MYH4: variants seen among roughly 807,000 people sequenced by gnomAD.
MYH4 encodes the protein myosin heavy chain 4.
MYH4 carries 200 observed loss-of-function variants against 229.9 expected under a neutral mutation model. The ratio of observed to expected loss-of-function variants is 0.87; its 90% confidence interval spans 0.78 to 0.98. The LOEUF (loss-of-function observed/expected upper bound fraction) is 0.98. Ranked by LOEUF, MYH4 falls within the 50% of genes least tolerant of loss-of-function variation. The probability of loss-of-function intolerance (pLI) is 0.00; values close to 1 mark genes in which losing one functional copy is unlikely to be tolerated. For missense variants in MYH4, 2,148 were observed against 2,332.6 expected (o/e 0.92, Z 1.63); for synonymous variants, 761 against 834.6 (o/e 0.91, Z 1.52).
chr17:10,456,514 A>G lies in MYH4; in HGVS notation c.1939T>C (p.Ser647Pro). Residue 647 changes from serine (S) to proline (P), a missense_variant, in exon 17 of 40, where the codon TCT becomes CCT. Ser to Pro is a moderately conservative substitution (Grantham distance 74, BLOSUM62 -1). Coordinates refer to ENST00000255381, the MANE Select transcript of MYH4 (RefSeq NM_017533.2). ...GKKGGKKKGS[S>P]FQTVSALFRE... Reference sequence around the variant, plus strand: ...AAAAGAGCTGACACTGTCTGGAAAGAAGAACCCTTCTTTTTGCCACCTTTC... The same window carrying G: ...AAAAGAGCTGACACTGTCTGGAAAGGAGAACCCTTCTTTTTGCCACCTTTC... 6.2e-7 allele frequency: 1 copy of G among 1,614,032 alleles called. No homozygotes were observed. The highest frequency in any genetic ancestry group is 8.5e-7 in the Non-Finnish European group (1 of 1,179,934).
rs1458102571 is a variant in MYH4, at chr17:10,463,422, A to G, written c.742-21T>C. 1.9e-6 allele frequency: 3 copies of G among 1,604,494 alleles called. No individual in the cohort carries two copies. In the South Asian group the frequency reaches 3.4e-5, roughly 18 times the overall value. On this transcript the variant is annotated intron_variant, in intron 8 of 39. Transcript: ENST00000255381. ...TTACCCTTAAAAAAGAAAAGGAGGG[A>G]TTATTATACACATTAAAATCAGAAA... is the stretch of plus-strand genomic sequence containing the variant.
chr17:10,460,164 T>A, intron 13 of MYH4, 39 bp downstream of exon 13: 1 of 1,612,890 alleles, frequency 6.2e-7, no homozygotes, highest in Non-Finnish European at 8.5e-7. Context: ...CTGAGTCACT[T>A]GCGGTTCAAA....
At position 10,447,937 on chromosome 17, in the gene MYH4, G is replaced by T; in HGVS notation, c.4846C>A (p.Leu1616Met). The change falls in exon 34 of 40, where the codon CTG (leucine) becomes ATG (methionine). Residue 1616 changes from leucine (L) to methionine (M), a missense_variant. Leu to Met is a conservative substitution (Grantham distance 15). Transcript: ENST00000255381. ...DAEIRSRNDA[L>M]RIKKKMEGDL... ...CCCTCCATCTTCTTCTTGATCCTCAGAGCATCATTTCTGCTCCTGATCTCA... is the reference window on the plus strand; with the variant it reads ...CCCTCCATCTTCTTCTTGATCCTCATAGCATCATTTCTGCTCCTGATCTCA... 6.2e-7 allele frequency: 1 copy of T among 1,613,910 alleles called. No individual in the cohort carries two copies. The highest frequency in any genetic ancestry group is 1.1e-5 in the South Asian group (1 of 91,074).
rs762757884 is a variant in MYH4, at chr17:10,452,282, G to C, written c.3397C>G (p.Arg1133Gly). The change falls in exon 27 of 40, where the codon CGG becomes GGG. Residue 1133 changes from arginine (R) to glycine (G), a missense_variant. Coordinates refer to ENST00000255381, the MANE Select transcript of MYH4 (RefSeq NM_017533.2). Reference sequence around the variant, plus strand: ...GAGCGCTGCTTCTCTGCTTTGGCCCGGGAGGCCCGCTCTGCCTCGATTTCC... The same window carrying C: ...GAGCGCTGCTTCTCTGCTTTGGCCCCGGAGGCCCGCTCTGCCTCGATTTCC... ...EEEIEAERAS[R>G]AKAEKQRSDL... 1.2e-6 allele frequency: 2 copies of C among 1,614,044 alleles called. No homozygotes were observed. Among genetic ancestry groups the C allele is most frequent in the Admixed American group, 1.7e-5 (1 of 60,012 alleles).
At position 10,452,947 on chromosome 17, in the gene MYH4, C is replaced by T. The variant is rs764055887; in HGVS notation, c.3112-15G>A. The stretch of plus-strand genomic sequence containing the variant: ...GATCCTTCAAGCTAAATTTATGATG[C>T]ATTTTATTTATTTCAGCTCTTAAGC... On this transcript the variant is annotated splice_polypyrimidine_tract_variant and intron_variant, in intron 24 of 39. Transcript: ENST00000255381. 1.9e-6 allele frequency: 3 copies of T among 1,600,152 alleles called. No individual in the cohort carries two copies. In the South Asian group the frequency reaches 3.5e-5, roughly 18 times the overall value.
At chr17:10,452,549 C>T (rs748634247) in intron 25 of MYH4, 43 bp from the exon 26 acceptor site, 42 of 1,575,112 alleles carry the variant, frequency 2.7e-5, no homozygotes, top group Non-Finnish European at 3.7e-5. Flanking sequence ...ACTTCTCTTA[C>T]CAATCTTCTT....
intron 16 of MYH4, 41 bp downstream of exon 16, chr17:10,457,379 T>C (rs751807147): frequency 9.3e-5 from 143 of 1,544,104 alleles, no homozygotes; most frequent in Non-Finnish European, 1.2e-4. Context: ...TGTATATCTA[T>C]TTTGTGACTC....
In MYH4 at chr17:10,460,262, A is replaced by G; in HGVS notation, c.1207T>C (p.Cys403Arg). ...LNSADLLKSL[C>R]YPRVKVGNEF... is the part of the protein sequence containing the mutation. ...TTGCCGACCTTGACTCTGGGATAGC[A>G]GAGAGATTTGAGCAGGTCAGCAGAG... Residue 403 changes from cysteine to arginine, a missense_variant, in exon 13 of 40, where the codon TGC becomes CGC. Physicochemically the swap from Cys to Arg is radical, Grantham distance 180 (BLOSUM62 -3). Coordinates refer to ENST00000255381, the MANE Select transcript of MYH4 (RefSeq NM_017533.2). 2 of 1,614,130 alleles carry G rather than the reference A, an allele frequency of 1.2e-6. No individual in the cohort carries two copies. Among genetic ancestry groups the G allele is most frequent in the South Asian group, 1.1e-5 (1 of 91,080 alleles).
chr17:10,448,050 C>T lies in MYH4; in HGVS notation c.4733G>A (p.Arg1578Gln), dbSNP rs761755212. The part of the protein sequence containing the change: ...ELNQVKSEID[R>Q]KIAEKDEELD... ...TTCTTCATCTTTTTCAGCAATTTTT[C>T]GGTCAATCTCAGATTTCACCTGATT... The change falls in exon 34 of 40, where the codon CGA (arginine) becomes CAA (glutamine). Residue 1578 changes from arginine (R) to glutamine (Q), a missense_variant. Arg to Gln is a conservative substitution (Grantham distance 43). Transcript: ENST00000255381. The T allele has an allele frequency of 6.1e-5, 99 of 1,613,928 alleles. No individual in the cohort carries two copies. The highest frequency in any genetic ancestry group is 7.6e-5 in the Non-Finnish European group (90 of 1,180,014).
At chr17:10,467,494 G>A (rs1434298753) in intron 2 of MYH4, among the ~76,000 whole-genome samples, 1 of 152,162 alleles carries the variant, frequency 6.6e-6, no homozygotes, top group Non-Finnish European at 1.5e-5. Context: ...TTGTTTGAAA[G>A]TCAGAAGTAG....
In MYH4 at chr17:10,466,176, A is replaced by C. The variant is rs368920848; in HGVS notation, c.348+97T>G. 60 of 1,381,634 alleles carry C rather than the reference A, an allele frequency of 4.3e-5. No homozygotes were observed. The East Asian group carries it at 7.6e-4, about 17-fold the overall frequency. The allele number at this position is 1,381,634 out of a possible 1,614,324, so 85.6% of individuals were successfully genotyped here. On this transcript the variant is annotated intron_variant, in intron 4 of 39. Transcript: ENST00000255381. ...ACCAAACAATTGGTCATAAAAGAACAGTTCAATAGCCAAATGTATTGAAAC... is the reference window on the plus strand; with the variant it reads ...ACCAAACAATTGGTCATAAAAGAACCGTTCAATAGCCAAATGTATTGAAAC...
intron 19 of MYH4, 113 bp downstream of exon 19, chr17:10,455,501 A>G (rs2072629044): frequency 2.1e-6 from 3 of 1,433,778 alleles, no homozygotes; most frequent in Middle Eastern, 1.8e-4. Flanking sequence ...TTTTATGATC[A>G]ATTTTCAAAT....
chr17:10,464,409 T>TAGATGTGCACGTGGTTA (rs2072737870), intron 7 of MYH4, 63 bp downstream of exon 7: 1 of 1,350,646 alleles, frequency 7.4e-7, no homozygotes, highest in South Asian at 1.3e-5. Context: ...AGTCTACTGT[T>TAGATGTGCACGTGGTTA]GATGTGCACG....
chr17:10,443,340 A>G lies in MYH4; in HGVS notation c.*35T>C, dbSNP rs2072476732. ...TGACAAAGAACTTCACATTTCGTGC[A>G]TTTCTTTGGTCACATTTTCTTTCAT... On this transcript the variant is annotated 3_prime_UTR_variant, in exon 40 of 40. Coordinates refer to ENST00000255381, the MANE Select transcript of MYH4 (RefSeq NM_017533.2). The surrounding 1 kb of genome is among the most constrained non-coding windows in gnomAD (Gnocchi z 4.6). 1.2e-6 allele frequency: 2 copies of G among 1,608,248 alleles called. No homozygotes were observed. Among genetic ancestry groups the G allele is most frequent in the South Asian group, 2.2e-5 (2 of 90,698 alleles).
chr17:10,444,686 C>T lies in MYH4; in HGVS notation c.5585G>A (p.Arg1862His), dbSNP rs538270849. 2.6e-5 allele frequency: 42 copies of T among 1,613,808 alleles called. No individual in the cohort carries two copies. In the Admixed American group the frequency reaches 2.7e-4, roughly 10 times the overall value. The change falls in exon 39 of 40, where the codon CGC (arginine) becomes CAC (histidine). Residue 1862 changes from arginine (R) to histidine (H), a missense_variant. Transcript: ENST00000255381. ...KELTYQTEEDRKNILRLQDLV... is the reference protein window; with the variant it reads ...KELTYQTEEDHKNILRLQDLV... Reference sequence around the variant, plus strand: ...GTCCTGCAGCCTGAGAATATTCTTGCGGTCCTCCTCAGTCTGAAAGAGGTG... The same window carrying T: ...GTCCTGCAGCCTGAGAATATTCTTGTGGTCCTCCTCAGTCTGAAAGAGGTG...
chr17:10,465,566 G>A lies in MYH4; in HGVS notation c.381C>T (p.Asn127=), dbSNP rs767344958. 5 of 1,614,024 alleles carry A rather than the reference G, an allele frequency of 3.1e-6. No individual in the cohort carries two copies. The highest frequency in any genetic ancestry group is 3.4e-6 in the Non-Finnish European group (4 of 1,180,026). ...TGTACACCGGCAGCCACTTGTAGGG[G>A]TTGACGGTGACACAGAAGAGGCCCG... The part of the protein sequence containing the change: ...TYSGLFCVTV[N]PYKWLPVYNP... The change falls in exon 5 of 40, where the codon AAC becomes AAT. Residue 127 remains asparagine, a synonymous_variant. Coordinates refer to ENST00000255381, the MANE Select transcript of MYH4 (RefSeq NM_017533.2).
chr17:10,446,922 G>T, intron 35 of MYH4, 91 bp downstream of exon 35: 1 of 1,353,966 alleles, frequency 7.4e-7, no homozygotes. Context: ...AAGGGACGAA[G>T]ATTACTTTTT....
intron 9 of MYH4, 42 bp from the exon 10 acceptor site, chr17:10,463,230 T>C (rs1400223544): frequency 1.3e-6 from 2 of 1,571,848 alleles, no homozygotes; most frequent in Non-Finnish European, 1.7e-6. Context: ...GATGCCACAG[T>C]GAAAAATTAA....
chr17:10,459,209 A>G (rs1201761356), intron 15 of MYH4, 42 bp downstream of exon 15: 1 of 1,613,830 alleles, frequency 6.2e-7, no homozygotes, highest in East Asian at 2.2e-5. Flanking sequence ...GAGGCAAGCA[A>G]TTTGGTTTTC....
Sources: allele counts gnomAD v4.1 joint callset (sites outside exome capture counted in the v4.1 genomes callset), GRCh38; gene constraint gnomAD v4.1.1; non-coding constraint Gnocchi (gnomAD v3.1); transcripts MANE v1.5; gene names NCBI Gene and HGNC (gene_info 2026-07-23, HGNC 2026-07-21).